Variants in REXO5 observed in about 807,000 individuals in gnomAD.
REXO5 encodes exonuclease NEF-sp.
A neutral mutation model predicts 88.5 loss-of-function variants in REXO5; 48 were observed. That is an observed-to-expected ratio of 0.54 (90% CI 0.43 to 0.69). The LOEUF (loss-of-function observed/expected upper bound fraction) is 0.69, where lower values mean the gene tolerates loss of function less well. Among genes scored for constraint, REXO5 ranks in the 30% least tolerant of loss-of-function variants. The probability of loss-of-function intolerance (pLI) is 0.00; values close to 1 mark genes in which losing one functional copy is unlikely to be tolerated. For synonymous variants in REXO5, 311 were observed against 336.5 expected (o/e 0.92, Z 0.83); for missense variants, 749 against 912.2 (o/e 0.82, Z 2.30).
At chr16:20,830,577 A>G (rs754623965) in intron 11 of REXO5, among the ~76,000 whole-genome samples, 1 of 152,184 alleles carries the variant, frequency 6.6e-6, no homozygotes, top group African/African-American at 2.4e-5. Context: ...TATCTCCCCA[A>G]ATGAAGGCAA....
Position 20,827,190 on chromosome 16 carries a change from A to G in REXO5, c.954A>G (p.Ala318=), listed in dbSNP as rs1474947398. 6.2e-7 allele frequency: 1 copy of G among 1,614,144 alleles called. No homozygotes were observed. The highest frequency in any genetic ancestry group is 8.5e-7 in the Non-Finnish European group (1 of 1,180,010). Residue 318 remains alanine, a synonymous_variant, in exon 9 of 20, where the codon GCA becomes GCG. Transcript: ENST00000261377. ...VGHSLDLDLR[A]LKMIHPYVID... Reference sequence around the variant, plus strand: ...ACTCCTTAGATTTGGATCTCAGAGCACTGAAAGTGAGTATCTGATTTAGGA... The same window carrying G: ...ACTCCTTAGATTTGGATCTCAGAGCGCTGAAAGTGAGTATCTGATTTAGGA...
At chr16:20,825,706 G>A in intron 7 of REXO5, 127 bp from the exon 8 acceptor site, 1 of 641,154 alleles carries the variant, frequency 1.6e-6, no homozygotes, top group Non-Finnish European at 2.7e-6. Flanking sequence ...CCTCTAGAAA[G>A]CAAGTTTGTG....
At chr16:20,812,891 C>T (rs765238301) in intron 2 of REXO5, among the ~76,000 whole-genome samples, 14 of 152,180 alleles carry the variant, frequency 9.2e-5, no homozygotes, top group Non-Finnish European at 1.5e-4. Flanking sequence ...TTAGCTATTG[C>T]TTTCTCTCCC....
At chr16:20,813,137 T>C in intron 2 of REXO5, 53 bp from the exon 3 acceptor site, 3 of 1,158,826 alleles carry the variant, frequency 2.6e-6, no homozygotes, top group Non-Finnish European at 3.9e-6. Context: ...CTTGCTTTGT[T>C]GGTATTCTTG....
intron 15 of REXO5, among the ~76,000 whole-genome samples, chr16:20,843,260 G>A (rs1454059385): frequency 6.6e-6 from 1 of 151,930 alleles, no homozygotes; most frequent in South Asian, 2.1e-4. Flanking sequence ...GGATTTCTCT[G>A]TACATTCTGG....
intron 6 of REXO5, among the ~76,000 whole-genome samples, chr16:20,822,929 G>A (rs1212515150): frequency 1.3e-5 from 2 of 152,212 alleles, no homozygotes; most frequent in Non-Finnish European, 2.9e-5. Flanking sequence ...GCTGGGTCAT[G>A]TGACAACTCT....
intron 15 of REXO5, among the ~76,000 whole-genome samples, chr16:20,840,740 G>A (rs552647169): frequency 3.3e-5 from 5 of 152,244 alleles, no homozygotes; most frequent in African/African-American, 1.2e-4. Flanking sequence ...GTTTGAGGAG[G>A]GAGGATTGCT....
At chr16:20,828,390 C>A in intron 10 of REXO5, 45 bp from the exon 11 acceptor site, 2 of 1,160,016 alleles carry the variant, frequency 1.7e-6, no homozygotes, top group South Asian at 1.2e-5. Flanking sequence ...AAAAGCCTAT[C>A]ATTAAAAGTG....
At chr16:20,814,277 C>T (rs2081048265) in intron 3 of REXO5, among the ~76,000 whole-genome samples, 5 of 152,136 alleles carry the variant, frequency 3.3e-5, no homozygotes, top group Admixed American at 3.3e-4. Flanking sequence ...CGCTCTGTCA[C>T]CTAGGCTGGA....
At position 20,845,220 on chromosome 16, in the gene REXO5, CT is replaced by C; in HGVS notation, c.2106del (p.Phe702LeufsTer9). The C allele has an allele frequency of 1.2e-6, 2 of 1,613,098 alleles. No homozygotes were observed. Among genetic ancestry groups the C allele is most frequent in the Non-Finnish European group, 1.7e-6 (2 of 1,179,636 alleles). Reference protein sequence around the residue: ...LPGLRVVPPPFEQEALQTLKL... With the variant: ...LPGLRVVPPPXEQEALQTLKL... Reference sequence around the variant, plus strand: ...CAGGGCTTCGTGTTGTACCTCCCCCCTTTGAACAGGAGGCCTTGCAGGTGAG... The same window carrying C: ...CAGGGCTTCGTGTTGTACCTCCCCCCTTGAACAGGAGGCCTTGCAGGTGAG... On this transcript the variant is annotated frameshift_variant, in exon 18 of 20. Coordinates refer to ENST00000261377, the MANE Select transcript of REXO5 (RefSeq NM_030941.3). LOFTEE classifies it high-confidence loss of function.
intron 13 of REXO5, among the ~76,000 whole-genome samples, chr16:20,835,189 T>C (rs985596530): frequency 6.6e-6 from 1 of 152,138 alleles, no homozygotes; most frequent in African/African-American, 2.4e-5. Flanking sequence ...TTCTTTCTTA[T>C]GTTGCCTAGG....
intron 2 of REXO5, among the ~76,000 whole-genome samples, chr16:20,810,686 G>T (rs1350640395): frequency 6.6e-6 from 1 of 152,078 alleles, no homozygotes; most frequent in Non-Finnish European, 1.5e-5. Flanking sequence ...GTGAACCACC[G>T]CGCCCAGTCC....
At chr16:20,821,660 C>T (rs1254646655) in intron 5 of REXO5, 102 bp from the exon 6 acceptor site, 46 of 1,107,680 alleles carry the variant, frequency 4.2e-5, no homozygotes, top group Non-Finnish European at 5.7e-5. Flanking sequence ...TTTTATACAT[C>T]TTTTGATCTT....
intron 19 of REXO5, among the ~76,000 whole-genome samples, chr16:20,847,261 CAA>C (rs56355038): frequency 1.5e-4 from 21 of 138,334 alleles, no homozygotes; most frequent in African/African-American, 3.3e-4. Flanking sequence ...AACACACACA[CAA>C]AAAAAAAAAC....
At chr16:20,844,482 AG>A in intron 16 of REXO5, 146 bp from the exon 17 acceptor site, 1 of 629,080 alleles carries the variant, frequency 1.6e-6, no homozygotes, top group Non-Finnish European at 2.8e-6. Context: ...CATTATCTTT[AG>A]TTTCCTTTTA....
chr16:20,843,938 A>C lies in REXO5; in HGVS notation c.1631A>C (p.His544Pro), dbSNP rs765777840. ...GAAATCTTGGTCTTTCTGCAGCCTC[A>C]TCTCTGTATACAGTATGAAGTCCTA... is the stretch of plus-strand genomic sequence containing the variant. ...MTFVLETRQP[H>P]LCIQYEVLEA... The change falls in exon 16 of 20, where the codon CAT (histidine) becomes CCT (proline). Residue 544 changes from histidine (H) to proline (P), a missense_variant. Physicochemically the swap from His to Pro is moderately conservative, Grantham distance 77. Coordinates refer to ENST00000261377, the MANE Select transcript of REXO5 (RefSeq NM_030941.3). The C allele has an allele frequency of 1.3e-6, 2 of 1,599,860 alleles. No individual in the cohort carries two copies. Among genetic ancestry groups the C allele is most frequent in the Non-Finnish European group, 1.7e-6 (2 of 1,168,944 alleles).
At chr16:20,824,396 A>G (rs1283619738) in intron 6 of REXO5, 43 bp from the exon 7 acceptor site, 4 of 1,088,012 alleles carry the variant, frequency 3.7e-6, no homozygotes, top group Non-Finnish European at 5.6e-6. Flanking sequence ...GATGTTTACC[A>G]TCTCTATTCT....
At chr16:20,813,154 A>C (rs1456526124) in intron 2 of REXO5, 36 bp from the exon 3 acceptor site, 2 of 1,369,146 alleles carry the variant, frequency 1.5e-6, no homozygotes, top group Admixed American at 3.4e-5. Context: ...CTTGATAACC[A>C]ATAATGGCTT....
intron 17 of REXO5, 33 bp downstream of exon 17, chr16:20,844,878 A>G: frequency 6.3e-7 from 1 of 1,593,770 alleles, no homozygotes; most frequent in Non-Finnish European, 8.6e-7. Context: ...AGCTTTGGGG[A>G]AGGAAACTGG....
Sources: allele counts gnomAD v4.1 joint callset (sites outside exome capture counted in the v4.1 genomes callset), GRCh38; gene constraint gnomAD v4.1.1; transcripts MANE v1.5; gene names NCBI Gene and HGNC (gene_info 2026-07-23, HGNC 2026-07-21).